The following PRRC2C variants were observed in gnomAD, a reference collection of about 807,000 sequenced individuals.
PRRC2C encodes proline rich coiled-coil 2C.
Under a neutral mutation model 317.2 loss-of-function variants are expected in PRRC2C, and 72 were observed. That is an observed-to-expected ratio of 0.23 (90% CI 0.19 to 0.28). PRRC2C has a LOEUF of 0.28. Ranked by LOEUF, PRRC2C falls within the 10% of genes least tolerant of loss-of-function variation. The pLI, the probability that PRRC2C is intolerant of heterozygous loss-of-function variation, is 1.00. For synonymous variants in PRRC2C, 1,296 were observed against 1,205.9 expected (o/e 1.07, Z -1.55); for missense variants, 3,074 against 3,459.7 (o/e 0.89, Z 2.80).
At chr1:171,539,253 G>A (rs1021523149) in intron 15 of PRRC2C, among the ~76,000 whole-genome samples, 1 of 151,530 alleles carries the variant, frequency 6.6e-6, no homozygotes, top group South Asian at 2.1e-4. Flanking sequence ...CGCCCTCCTC[G>A]GCCTCCCAAA....
At chr1:171,526,678 C>A (rs751099921) in intron 10 of PRRC2C, among the ~76,000 whole-genome samples, 1 of 151,800 alleles carries the variant, frequency 6.6e-6, no homozygotes, top group Non-Finnish European at 1.5e-5. Flanking sequence ...TCTAACCTTA[C>A]TGAAATAGCA....
At chr1:171,561,600 T>G (rs1043015560) in intron 20 of PRRC2C, among the ~76,000 whole-genome samples, 1 of 152,232 alleles carries the variant, frequency 6.6e-6, no homozygotes, top group Non-Finnish European at 1.5e-5. Context: ...GTGATACTCT[T>G]GCTGCTACAT....
chr1:171,504,508 T>C (rs994819762), intron 1 of PRRC2C, among the ~76,000 whole-genome samples: 2 of 152,216 alleles, frequency 1.3e-5, no homozygotes, highest in African/African-American at 2.4e-5. Flanking sequence ...ACATAATTGC[T>C]CCAGTATCAT....
intron 9 of PRRC2C, among the ~76,000 whole-genome samples, chr1:171,524,364 A>G (rs528864076): frequency 7.1e-4 from 108 of 152,244 alleles, no homozygotes; most frequent in African/African-American, 2.6e-3. Context: ...ATTTGGTATA[A>G]TTTTTCAGTT....
intron 16 of PRRC2C, among the ~76,000 whole-genome samples, chr1:171,542,566 C>G (rs1678144001): frequency 6.6e-6 from 1 of 152,122 alleles, no homozygotes; most frequent in South Asian, 2.1e-4. Context: ...CTCAGTTTCT[C>G]CTAATAAACC....
At chr1:171,569,595 G>GATATATATATATATATATATATA (rs1558024246) in intron 23 of PRRC2C, among the ~76,000 whole-genome samples, 4 of 25,596 alleles carry the variant, frequency 1.6e-4, no homozygotes, top group Admixed American at 3.5e-4. Flanking sequence ...TATATATATG[G>GATATATATATATATATATATATA]TTTTTTTTTT....
At chr1:171,497,276 A>T (rs1367754568) in intron 1 of PRRC2C, among the ~76,000 whole-genome samples, 1 of 152,060 alleles carries the variant, frequency 6.6e-6, no homozygotes, top group Non-Finnish European at 1.5e-5. Flanking sequence ...TTCAATCCTG[A>T]TTTTTTAAAT....
intron 1 of PRRC2C, among the ~76,000 whole-genome samples, chr1:171,502,840 C>T (rs981291199): frequency 6.6e-5 from 10 of 152,184 alleles, no homozygotes; most frequent in African/African-American, 2.2e-4. Context: ...TCTTCTGCCT[C>T]AGCCTCCTGA....
At position 171,576,480 on chromosome 1, in the gene PRRC2C, T is replaced by C. The variant is rs114291045; in HGVS notation, c.6956-954T>C. Among the ~76,000 whole-genome samples the C allele has an allele frequency of 3.8e-3, 586 of 152,328 alleles. 3 individuals carry two copies. Among genetic ancestry groups the C allele is most frequent in the African/African-American group, 0.013 (535 of 41,578 alleles). ...GATAATGACAACTTATACATTACTT[T>C]TTAATCAAATACCAGTATTGACATT... On this transcript the variant is annotated intron_variant, in intron 25 of 34. Coordinates refer to ENST00000647382, the MANE Select transcript of PRRC2C (RefSeq NM_001387844.1).
rs376127370 is a variant in PRRC2C at position 171,510,400 on chromosome 1, A to G, written c.-57-1632A>G. On this transcript the variant is annotated intron_variant, in intron 1 of 34. Coordinates refer to ENST00000647382, the MANE Select transcript of PRRC2C (RefSeq NM_001387844.1). ...TTAAGCAAGTTGACTGTTTTTCTTGATACATCAGTTCCTTTTTTTTTCACC... is the reference window on the plus strand; with the variant it reads ...TTAAGCAAGTTGACTGTTTTTCTTGGTACATCAGTTCCTTTTTTTTTCACC... 1.4e-4 allele frequency: 22 copies of G among 152,258 alleles called. No homozygotes were observed. In the East Asian group the frequency reaches 4.2e-3, roughly 29 times the overall value. The allele number at this position is 152,258 out of a possible 1,614,324, so 9.4% of individuals were successfully genotyped here. A position where few individuals can be genotyped will look rare whatever the true frequency, so the allele number is the denominator to read the frequency against.
intron 30 of PRRC2C, among the ~76,000 whole-genome samples, chr1:171,585,064 A>G (rs1649552469): frequency 6.6e-6 from 1 of 152,106 alleles, no homozygotes; most frequent in Non-Finnish European, 1.5e-5. Flanking sequence ...GGCTTGAGCC[A>G]CCACACCTGG....
intron 19 of PRRC2C, among the ~76,000 whole-genome samples, chr1:171,559,505 GTTTGTTT>G (rs1363580286): frequency 0.14 from 13,375 of 94,662 alleles, 3,226 homozygotes; most frequent in Middle Eastern, 0.27. Flanking sequence ...GGCATACCAA[GTTTGTTT>G]TTTTTTTTTT....
At chr1:171,551,929 T>C (rs1223371553) in intron 18 of PRRC2C, among the ~76,000 whole-genome samples, 1 of 152,234 alleles carries the variant, frequency 6.6e-6, no homozygotes, top group Non-Finnish European at 1.5e-5. Flanking sequence ...TGTTTAGGAT[T>C]ATCTTGGCAA....
rs750358019 is a variant in PRRC2C, at chr1:171,535,531, G to A, written c.1977G>A (p.Pro659=). ...CAGAATCAGGGTCTCAACCTCGGCC[G>A]GCTGTATTATCTGGCTATTTCAAAC... ...TEPESGSQPR[P]AVLSGYFKQF... The change falls in exon 13 of 35, where the codon CCG becomes CCA. Residue 659 remains proline, a synonymous_variant. Coordinates refer to ENST00000647382, the MANE Select transcript of PRRC2C (RefSeq NM_001387844.1). The A allele has an allele frequency of 2.9e-5, 46 of 1,613,878 alleles. No homozygotes were observed. Among genetic ancestry groups the A allele is most frequent in the South Asian group, 8.8e-5 (8 of 91,090 alleles).
intron 34 of PRRC2C, among the ~76,000 whole-genome samples, chr1:171,590,004 ATATATT>A (rs1302698739): frequency 7.6e-6 from 1 of 131,388 alleles, no homozygotes; most frequent in African/African-American, 2.8e-5. Flanking sequence ...TTTTTTTAAT[ATATATT>A]TTCTTCCCCC....
chr1:171,539,954 A>AATTCTTATC lies in PRRC2C; in HGVS notation c.2505-14_2505-6dup. ...GATTGCTTTGTTGATTATACCTTTG[A>AATTCTTATC]ATTCTTATCATCATAGGTCTGAAGC... On this transcript the variant is annotated splice_polypyrimidine_tract_variant and intron_variant, in intron 15 of 34. Coordinates refer to ENST00000647382, the MANE Select transcript of PRRC2C (RefSeq NM_001387844.1). The AATTCTTATC allele has an allele frequency of 6.4e-7, 1 of 1,572,622 alleles. No homozygotes were observed. The highest frequency in any genetic ancestry group is 2.2e-5 in the East Asian group (1 of 44,676).
chr1:171,568,382 T>C lies in PRRC2C; in HGVS notation c.6651+43T>C, dbSNP rs549212927. On this transcript the variant is annotated intron_variant, in intron 23 of 34. Transcript: ENST00000647382. ...GATGTGGCAAGTTTGGATTGGAACC[T>C]GGCTATTATTATCAAGCACATTATT... 1.9e-6 allele frequency: 3 copies of C among 1,558,798 alleles called. No individual in the cohort carries two copies. The East Asian group carries it at 7.1e-5, about 37-fold the overall frequency.
intron 26 of PRRC2C, 22 bp from the exon 27 acceptor site, chr1:171,579,332 T>G: frequency 6.2e-7 from 1 of 1,603,890 alleles, no homozygotes; most frequent in Non-Finnish European, 8.5e-7. Context: ...TACTACTGCT[T>G]GTTTATCCTG....
At chr1:171,552,452 A>C (rs2102597074) in intron 18 of PRRC2C, among the ~76,000 whole-genome samples, 1 of 152,274 alleles carries the variant, frequency 6.6e-6, no homozygotes, top group Non-Finnish European at 1.5e-5. Context: ...AATATCCTTT[A>C]TTTATTTCTC....
Sources: gnomAD v4.1 joint callset for allele counts (sites outside exome capture counted in the v4.1 genomes callset) on GRCh38, gnomAD v4.1.1 for gene constraint, MANE v1.5 for transcripts, NCBI Gene and HGNC (gene_info 2026-07-23, HGNC 2026-07-21) for gene names.